Variants in CLOCK observed in about 807,000 individuals in gnomAD.
The protein encoded by CLOCK is circadian locomoter output cycles protein kaput.
Under a neutral mutation model 118.4 loss-of-function variants are expected in CLOCK, and 43 were observed. The observed-to-expected ratio is 0.36, with a 90% CI of 0.28 to 0.47. CLOCK has a LOEUF of 0.47. Among genes scored for constraint, CLOCK ranks in the 20% least tolerant of loss-of-function variants. The probability of loss-of-function intolerance (pLI) is 1.00; values close to 1 mark genes in which losing one functional copy is unlikely to be tolerated. For missense variants in CLOCK, 846 were observed against 999.9 expected (o/e 0.85, Z 2.08); for synonymous variants, 326 against 339.2 (o/e 0.96, Z 0.43).
intron 21 of CLOCK, among the ~76,000 whole-genome samples, chr4:55,441,567 A>G (rs12510110): frequency 0.34 from 51,367 of 152,070 alleles, 9,376 homozygotes; most frequent in East Asian, 0.58. Flanking sequence ...AAGAAAAAAT[A>G]ATGCATTTTG....
chr4:55,520,047 G>C (rs907365226), intron 1 of CLOCK, among the ~76,000 whole-genome samples: 1 of 152,136 alleles, frequency 6.6e-6, no homozygotes, highest in Non-Finnish European at 1.5e-5. Context: ...CTCTGCAGTT[G>C]TATCACCTTA....
chr4:55,443,556 AATACT>A (rs2109691098), intron 20 of CLOCK, 126 bp downstream of exon 20: 1 of 744,928 alleles, frequency 1.3e-6, no homozygotes, highest in Non-Finnish European at 2.4e-6. Context: ...AATCACTCTC[AATACT>A]ATACTTTCTA....
chr4:55,503,085 T>C (rs1462483232), intron 2 of CLOCK, among the ~76,000 whole-genome samples: 1 of 152,206 alleles, frequency 6.6e-6, no homozygotes, highest in East Asian at 1.9e-4. Flanking sequence ...TTTGGAAAAC[T>C]AGGATAATCT....
chr4:55,506,779 T>G (rs1374031632), intron 2 of CLOCK, among the ~76,000 whole-genome samples: 1 of 152,064 alleles, frequency 6.6e-6, no homozygotes, highest in Non-Finnish European at 1.5e-5. Context: ...CAGGCTGGTC[T>G]CAAACTCCTG....
At chr4:55,495,196 A>C (rs1024846210) in intron 2 of CLOCK, among the ~76,000 whole-genome samples, 14 of 152,118 alleles carry the variant, frequency 9.2e-5, no homozygotes, top group African/African-American at 2.7e-4. Flanking sequence ...GTATGTCCCT[A>C]CACTGACCCC....
At chr4:55,513,884 T>C (rs531430623) in intron 1 of CLOCK, among the ~76,000 whole-genome samples, 7 of 152,210 alleles carry the variant, frequency 4.6e-5, no homozygotes, top group Non-Finnish European at 7.4e-5. Context: ...GAGATATTAA[T>C]GTAATGGTAT....
chr4:55,546,048 G>A (rs1333847389), intron 1 of CLOCK: 1 of 152,332 alleles, frequency 6.6e-6, no homozygotes, highest in Non-Finnish European at 1.5e-5. Flanking sequence ...CGCGGGCCGG[G>A]CGCCGGGAGG....
At chr4:55,507,372 G>C (rs1284512348) in intron 2 of CLOCK, among the ~76,000 whole-genome samples, 1 of 152,056 alleles carries the variant, frequency 6.6e-6, no homozygotes, top group Non-Finnish European at 1.5e-5. Flanking sequence ...CAACACTTTG[G>C]AAGGCTGAGG....
intron 1 of CLOCK, among the ~76,000 whole-genome samples, chr4:55,522,899 T>C (rs1055329900): frequency 2.0e-5 from 3 of 152,152 alleles, no homozygotes; most frequent in Non-Finnish European, 2.9e-5. Context: ...AAAAAAGATT[T>C]AGAAGCAAAT....
At chr4:55,460,039 C>T (rs1392939449) in intron 9 of CLOCK, among the ~76,000 whole-genome samples, 1 of 152,122 alleles carries the variant, frequency 6.6e-6, no homozygotes, top group African/African-American at 2.4e-5. Flanking sequence ...TATTATAGAT[C>T]TCCTTCCTTT....
At chr4:55,506,341 C>G (rs1286089559) in intron 2 of CLOCK, among the ~76,000 whole-genome samples, 1 of 152,000 alleles carries the variant, frequency 6.6e-6, no homozygotes, top group Non-Finnish European at 1.5e-5. Flanking sequence ...TACCAACACA[C>G]CCGGCTTCTG....
intron 8 of CLOCK, among the ~76,000 whole-genome samples, chr4:55,470,335 G>A (rs1480516879): frequency 6.6e-6 from 1 of 152,106 alleles, no homozygotes; most frequent in East Asian, 1.9e-4. Context: ...ACTGCCTATA[G>A]TAGTATTCAG....
intron 1 of CLOCK, among the ~76,000 whole-genome samples, chr4:55,517,111 GATA>G (rs1452480109): frequency 1.3e-5 from 2 of 152,166 alleles, no homozygotes; most frequent in Non-Finnish European, 2.9e-5. Flanking sequence ...CAGTTAAAAA[GATA>G]ATGATTTTTC....
At chr4:55,532,668 A>T (rs1199001048) in intron 1 of CLOCK, among the ~76,000 whole-genome samples, 6 of 152,028 alleles carry the variant, frequency 3.9e-5, no homozygotes, top group African/African-American at 1.4e-4. Context: ...GGAATTTGAG[A>T]CCTTATCTCT....
intron 2 of CLOCK, among the ~76,000 whole-genome samples, chr4:55,506,722 G>A (rs967231345): frequency 2.0e-5 from 3 of 151,950 alleles, no homozygotes; most frequent in South Asian, 2.1e-4. Flanking sequence ...ACCACACCTG[G>A]CTAATTTTTT....
intron 2 of CLOCK, among the ~76,000 whole-genome samples, chr4:55,503,980 A>T (rs1360471857): frequency 2.4e-5 from 3 of 123,346 alleles, no homozygotes; most frequent in African/African-American, 1.1e-4. Flanking sequence ...AAAAGAGGTA[A>T]AAAAAAAAAA....
intron 13 of CLOCK, among the ~76,000 whole-genome samples, chr4:55,455,414 G>A (rs1425909402): frequency 6.6e-6 from 1 of 152,156 alleles, no homozygotes; most frequent in East Asian, 1.9e-4. Flanking sequence ...TAGATGTAAA[G>A]TGTTTAGAAC....
At chr4:55,449,368 T>G (rs753253064) in intron 17 of CLOCK, 28 bp downstream of exon 17, 7 of 1,559,334 alleles carry the variant, frequency 4.5e-6, no homozygotes, top group Middle Eastern at 1.7e-4. Flanking sequence ...AAATCTTTAT[T>G]CAGAAGAATA....
intron 7 of CLOCK, among the ~76,000 whole-genome samples, chr4:55,474,593 A>C (rs760741167): frequency 1.1e-4 from 16 of 152,234 alleles, no homozygotes; most frequent in Non-Finnish European, 1.8e-4. Flanking sequence ...AGCTGGCTTC[A>C]AAGCTTCAAA....
Sources: gnomAD v4.1 joint callset for allele counts (sites outside exome capture counted in the v4.1 genomes callset) on GRCh38, gnomAD v4.1.1 for gene constraint, MANE v1.5 for transcripts, NCBI Gene and HGNC (gene_info 2026-07-23, HGNC 2026-07-21) for gene names.